The following LMO3 variants were observed in gnomAD, a reference collection of about 807,000 sequenced individuals.
LMO3 encodes LIM domain only protein 3.
In LMO3, 2 loss-of-function variants were observed where a neutral mutation model predicts 15.8. The observed-to-expected ratio is 0.13, with a 90% CI of 0.05 to 0.40. The LOEUF (loss-of-function observed/expected upper bound fraction) is 0.40, where lower values mean the gene tolerates loss of function less well. Among genes scored for constraint, LMO3 ranks in the 10% least tolerant of loss-of-function variants. The pLI is 0.99. For missense variants in LMO3, 86 were observed against 182.2 expected (o/e 0.47, Z 3.04); for synonymous variants, 62 against 63.8 (o/e 0.97, Z 0.13).
At chr12:16,575,985 A>T (rs1373803958) in intron 2 of LMO3, among the ~76,000 whole-genome samples, 1 of 151,820 alleles carries the variant, frequency 6.6e-6, no homozygotes, top group Non-Finnish European at 1.5e-5. Flanking sequence ...CTTAACTTTG[A>T]ATTTGCCTCC....
Position 16,596,254 on chromosome 12 carries a change from A to G in LMO3, c.206+4401T>C, listed in dbSNP as rs1374654134. Among the ~76,000 whole-genome samples the G allele has an allele frequency of 6.6e-6, 1 of 151,614 alleles. No individual in the cohort carries two copies. The highest frequency in any genetic ancestry group is 2.4e-5 in the African/African-American group (1 of 41,428). On this transcript the variant is annotated intron_variant, in intron 2 of 3. Coordinates refer to ENST00000537304, the MANE Select transcript of LMO3 (RefSeq NM_018640.5). This position sits in a 1 kb window ranked among gnomAD's most constrained non-coding sequence, Gnocchi z 4.3. ...AAGCTTCAAATCATTTTAGTTAATTAGCAACTATGGTGAAGCATGAAGCAT... is the reference window on the plus strand; with the variant it reads ...AAGCTTCAAATCATTTTAGTTAATTGGCAACTATGGTGAAGCATGAAGCAT...
Position 16,593,094 on chromosome 12 carries a change from ATGCC to A in LMO3, c.206+7557_206+7560del, listed in dbSNP as rs780469449. 2.0e-5 allele frequency among the ~76,000 whole-genome samples: 3 copies of A among 151,872 alleles called. No individual in the cohort carries two copies. The highest frequency in any genetic ancestry group is 6.6e-5 in the Admixed American group (1 of 15,212). On this transcript the variant is annotated intron_variant, in intron 2 of 3. Coordinates refer to ENST00000537304, the MANE Select transcript of LMO3 (RefSeq NM_018640.5). The surrounding 1 kb of genome is among the most constrained non-coding windows in gnomAD (Gnocchi z 4.2). Reference sequence around the variant, plus strand: ...GGATTAGCACATTTTATGAAGTTCCATGCCTGCTTACTAGTCCTTGTCATATCTG... The same window carrying A: ...GGATTAGCACATTTTATGAAGTTCCATGCTTACTAGTCCTTGTCATATCTG...
intron 2 of LMO3, among the ~76,000 whole-genome samples, chr12:16,569,101 A>G (rs1942721111): frequency 6.6e-6 from 1 of 152,194 alleles, no homozygotes; most frequent in Admixed American, 6.5e-5. Flanking sequence ...TTCCTGCTCC[A>G]TGAAGACAGC....
At chr12:16,568,343 T>C (rs972842818) in intron 2 of LMO3, among the ~76,000 whole-genome samples, 3 of 152,180 alleles carry the variant, frequency 2.0e-5, no homozygotes, top group Non-Finnish European at 2.9e-5. Flanking sequence ...CAGAGAAACA[T>C]AGAAAACAGA....
rs1943506694 is a variant in LMO3, at chr12:16,591,984, C to T, written c.206+8671G>A. On this transcript the variant is annotated intron_variant, in intron 2 of 3. Transcript: ENST00000537304. The surrounding 1 kb of genome is among the most constrained non-coding windows in gnomAD (Gnocchi z 4.1). ...TTATATATTCTACTTAGTTATTTGA[C>T]AATAATAGTGACTATGTTTATCAGG... Among the ~76,000 whole-genome samples the T allele has an allele frequency of 6.6e-6, 1 of 151,918 alleles. No homozygotes were observed. The highest frequency in any genetic ancestry group is 2.1e-4 in the South Asian group (1 of 4,824).
intron 2 of LMO3, among the ~76,000 whole-genome samples, chr12:16,568,919 A>G (rs1026765931): frequency 4.6e-5 from 7 of 152,214 alleles, no homozygotes; most frequent in Admixed American, 2.0e-4. Context: ...AAGCTTAAAG[A>G]TAAGAAAAAA....
At position 16,593,185 on chromosome 12, in the gene LMO3, G is replaced by A. The variant is rs550494180; in HGVS notation, c.206+7470C>T. 3.3e-5 allele frequency among the ~76,000 whole-genome samples: 5 copies of A among 151,854 alleles called. No individual in the cohort carries two copies. Among genetic ancestry groups the A allele is most frequent in the African/African-American group, 1.2e-4 (5 of 41,488 alleles). ...TTAATAGCTTGGGTTTAATGTGGACGATGCTTCACTGCATTAGTGATAACA... is the reference window on the plus strand; with the variant it reads ...TTAATAGCTTGGGTTTAATGTGGACAATGCTTCACTGCATTAGTGATAACA... On this transcript the variant is annotated intron_variant, in intron 2 of 3. Transcript: ENST00000537304. The surrounding 1 kb of genome is among the most constrained non-coding windows in gnomAD (Gnocchi z 4.2).
rs1349106313 is a variant in LMO3, at chr12:16,599,474, A to G, written c.206+1181T>C. 2 of 152,194 alleles carry G rather than the reference A, an allele frequency of 1.3e-5. No individual in the cohort carries two copies. Among genetic ancestry groups the G allele is most frequent in the Admixed American group, 6.5e-5 (1 of 15,268 alleles). 9.4% of individuals were successfully genotyped at this position (152,194 alleles called of 1,614,324 possible). A position where few individuals can be genotyped will look rare whatever the true frequency, so the allele number is the denominator to read the frequency against. On this transcript the variant is annotated intron_variant, in intron 2 of 3. Coordinates refer to ENST00000537304, the MANE Select transcript of LMO3 (RefSeq NM_018640.5). The surrounding 1 kb of genome is among the most constrained non-coding windows in gnomAD (Gnocchi z 4.1). ...CTGACTGAAAATAGCTGAATTATAT[A>G]CTAAGAACGACCAAATTCCCTAGAA...
rs1224322248 is a variant in LMO3 at position 16,555,720 on chromosome 12, T to A, written c.333-4393A>T. Among the ~76,000 whole-genome samples the A allele has an allele frequency of 1.3e-5, 2 of 152,224 alleles. No individual in the cohort carries two copies. The highest frequency in any genetic ancestry group is 4.8e-5 in the African/African-American group (2 of 41,462). ...CCGCTTCTCTAATCTCTGAACATACTGAGCCGCTTTTCATTTCCTAAACAC... is the reference window on the plus strand; with the variant it reads ...CCGCTTCTCTAATCTCTGAACATACAGAGCCGCTTTTCATTTCCTAAACAC... On this transcript the variant is annotated intron_variant, in intron 3 of 3. Transcript: ENST00000537304. The surrounding 1 kb of genome is among the most constrained non-coding windows in gnomAD (Gnocchi z 5.5).
chr12:16,563,093 C>A (rs976536792), intron 2 of LMO3, among the ~76,000 whole-genome samples: 18 of 152,316 alleles, frequency 1.2e-4, no homozygotes, highest in African/African-American at 4.3e-4. Flanking sequence ...TTTCCATCTA[C>A]ACCTGGACTC....
At chr12:16,605,310 A>C (rs963873697) in intron 1 of LMO3, 1 of 1,168,378 alleles carries the variant, frequency 8.6e-7, no homozygotes, top group Non-Finnish European at 1.1e-6. Flanking sequence ...CTTGTATTTC[A>C]TAACAGCAAT....
In LMO3 at chr12:16,589,560, A is replaced by T. The variant is rs2137606043; in HGVS notation, c.206+11095T>A. ...CAGAAGTCAAGAGCTAACCAAGAAG[A>T]CAAGGAATGTAACATATTTAATCAA... is the stretch of plus-strand genomic sequence containing the variant. On this transcript the variant is annotated intron_variant, in intron 2 of 3. Transcript: ENST00000537304. The surrounding 1 kb of genome is among the most constrained non-coding windows in gnomAD (Gnocchi z 4.2). 1 of 152,268 alleles carries T rather than the reference A, an allele frequency of 6.6e-6. No homozygotes were observed. Among genetic ancestry groups the T allele is most frequent in the South Asian group, 2.1e-4 (1 of 4,832 alleles). The allele number at this position is 152,268 out of a possible 1,614,324, so 9.4% of individuals were successfully genotyped here. A position where few individuals can be genotyped will look rare whatever the true frequency, so the allele number is the denominator to read the frequency against.
At chr12:16,581,142 T>G (rs1267739620) in intron 2 of LMO3, among the ~76,000 whole-genome samples, 1 of 152,200 alleles carries the variant, frequency 6.6e-6, no homozygotes, top group Non-Finnish European at 1.5e-5. Context: ...GTTTGAATGA[T>G]TGAAAATTCA....
chr12:16,575,158 G>A (rs1040060481), intron 2 of LMO3, among the ~76,000 whole-genome samples: 4 of 152,048 alleles, frequency 2.6e-5, no homozygotes, highest in South Asian at 2.1e-4. Flanking sequence ...TATGATGTCC[G>A]TCATGTTTTT....
rs1448885497 is a variant in LMO3, at chr12:16,587,159, G to T, written c.206+13496C>A. 6.6e-6 allele frequency among the ~76,000 whole-genome samples: 1 copy of T among 152,132 alleles called. No homozygotes were observed. The highest frequency in any genetic ancestry group is 2.4e-5 in the African/African-American group (1 of 41,426). The stretch of plus-strand genomic sequence containing the variant: ...TTAAATTATAGCAATTGTGGGTGCT[G>T]CTGACCTGTCAATCTCAAATATATT... On this transcript the variant is annotated intron_variant, in intron 2 of 3. Transcript: ENST00000537304. This position sits in a 1 kb window ranked among gnomAD's most constrained non-coding sequence, Gnocchi z 4.3.
chr12:16,568,130 A>T (rs966558271), intron 2 of LMO3, among the ~76,000 whole-genome samples: 7 of 152,228 alleles, frequency 4.6e-5, no homozygotes, highest in Non-Finnish European at 1.0e-4. Context: ...AGTTATTGTC[A>T]TCGGTTTCTC....
At position 16,550,021 on chromosome 12, in the gene LMO3, T is replaced by C. The variant is rs1306752273; in HGVS notation, c.*1201A>G. ...TACTTTTTGAACATTAAAATAAATG[T>C]CAGGTAAATACAGAAAAATATATAA... On this transcript the variant is annotated 3_prime_UTR_variant, in exon 4 of 4. Coordinates refer to ENST00000537304, the MANE Select transcript of LMO3 (RefSeq NM_018640.5). The C allele has an allele frequency of 6.6e-5, 10 of 152,022 alleles. No individual in the cohort carries two copies. The highest frequency in any genetic ancestry group is 2.4e-4 in the African/African-American group (10 of 41,430). The allele number at this position is 152,022 out of a possible 1,614,324, so 9.4% of individuals were successfully genotyped here.
At chr12:16,574,081 C>T (rs552835091) in intron 2 of LMO3, 34 of 152,238 alleles carry the variant, frequency 2.2e-4, no homozygotes, top group Admixed American at 2.2e-3. Flanking sequence ...CTTACCTGAT[C>T]CCTTTGGAAA....
intron 2 of LMO3, among the ~76,000 whole-genome samples, chr12:16,571,773 C>A (rs1445214706): frequency 6.6e-6 from 1 of 152,018 alleles, no homozygotes; most frequent in African/African-American, 2.4e-5. Flanking sequence ...TCATTCTAAT[C>A]AAAGTGTAAC....
Sources: allele counts gnomAD v4.1 joint callset (sites outside exome capture counted in the v4.1 genomes callset), GRCh38; gene constraint gnomAD v4.1.1; non-coding constraint Gnocchi (gnomAD v3.1); transcripts MANE v1.5; gene names NCBI Gene and HGNC (gene_info 2026-07-23, HGNC 2026-07-21).